XKR9: variants seen among roughly 807,000 people sequenced by gnomAD.
XKR9 encodes the protein XK related 9.
XKR9 carries 32 observed loss-of-function variants against 32.0 expected under a neutral mutation model. The ratio of observed to expected loss-of-function variants is 1.00; its 90% confidence interval spans 0.76 to 1.34. The LOEUF is 1.34. XKR9 is among the 40% of genes most tolerant of loss of function. XKR9 has a pLI of 0.00. For synonymous variants in XKR9, 168 were observed against 143.4 expected (o/e 1.17, Z -1.22); for missense variants, 546 against 429.7 (o/e 1.27, Z -2.39).
chr8:70,774,995 C>T (rs1196686842), intron 2 of XKR9, among the ~76,000 whole-genome samples: 1 of 152,066 alleles, frequency 6.6e-6, no homozygotes, highest in Non-Finnish European at 1.5e-5. Context: ...CTTTCATCTA[C>T]ACAGGTCTTT....
Position 70,753,247 on chromosome 8 carries a change from A to G in XKR9, n.353-36092A>G, listed in dbSNP as rs1026021644. Among the ~76,000 whole-genome samples, 12 of 152,286 alleles carry G rather than the reference A, an allele frequency of 7.9e-5. No individual in the cohort carries two copies. In the East Asian group the frequency reaches 2.1e-3, roughly 27 times the overall value. The stretch of plus-strand genomic sequence containing the variant: ...TTGAATCTCTGAATAGACCAATAAC[A>G]GGATCTGAAATTGTGGCAATAATCA... On this transcript the variant is annotated intron_variant and non_coding_transcript_variant, in intron 2 of 3. Transcript: ENST00000520273.
At chr8:70,876,887 TAC>T in the XKR9 span, among the ~76,000 whole-genome samples, 10 of 152,168 alleles carry the variant, frequency 6.6e-5, no homozygotes, top group African/African-American at 2.2e-4. Flanking sequence ...AATAATGTAG[TAC>T]TGTTGTGTAA....
chr8:70,965,773 G>T, the XKR9 span, among the ~76,000 whole-genome samples: 1 of 152,136 alleles, frequency 6.6e-6, no homozygotes, highest in Non-Finnish European at 1.5e-5. Context: ...GTAGTTGGTT[G>T]TATTTCTGTG....
the XKR9 span, among the ~76,000 whole-genome samples, chr8:70,954,717 C>T: frequency 2.6e-4 from 39 of 152,182 alleles, no homozygotes; most frequent in Non-Finnish European, 7.3e-5. Context: ...AGGCATTGGT[C>T]ATTTATATTC....
At chr8:70,702,373 G>A (rs759909202) in intron 3 of XKR9, among the ~76,000 whole-genome samples, 10 of 152,024 alleles carry the variant, frequency 6.6e-5, no homozygotes, top group Non-Finnish European at 1.3e-4. Context: ...AATATTCCAT[G>A]TGCATTTGAA....
At chr8:70,710,836 TAAAC>T (rs1175465114) in intron 4 of XKR9, among the ~76,000 whole-genome samples, 2 of 151,388 alleles carry the variant, frequency 1.3e-5, no homozygotes, top group African/African-American at 2.4e-5. Flanking sequence ...ATCAGCAGAG[TAAAC>T]AAACAACCTA....
At chr8:70,981,708 A>C in the XKR9 span, among the ~76,000 whole-genome samples, 1 of 152,064 alleles carries the variant, frequency 6.6e-6, no homozygotes. Flanking sequence ...TTTGGGTGTT[A>C]AAAATTTTGT....
the XKR9 span, among the ~76,000 whole-genome samples, chr8:70,876,658 T>C: frequency 6.6e-6 from 1 of 152,114 alleles, no homozygotes; most frequent in Non-Finnish European, 1.5e-5. Context: ...GAATGACAAT[T>C]CTGATTTAGT....
At chr8:70,933,361 G>A in the XKR9 span, among the ~76,000 whole-genome samples, 12 of 152,170 alleles carry the variant, frequency 7.9e-5, no homozygotes, top group Middle Eastern at 3.5e-3. Flanking sequence ...CGCTTAGGGC[G>A]TTTAGGGCAT....
At chr8:70,999,144 A>G in the XKR9 span, among the ~76,000 whole-genome samples, 5 of 152,308 alleles carry the variant, frequency 3.3e-5, no homozygotes, top group South Asian at 8.3e-4. Context: ...AAGAATATTA[A>G]TATATTAGTA....
intron 2 of XKR9, among the ~76,000 whole-genome samples, chr8:70,675,501 G>A (rs973112647): frequency 2.0e-5 from 3 of 152,076 alleles, no homozygotes; most frequent in African/African-American, 4.8e-5. Flanking sequence ...AAACTTTTAT[G>A]CTCTGCTTCC....
the XKR9 span, among the ~76,000 whole-genome samples, chr8:70,918,356 T>G: frequency 8.5e-5 from 13 of 152,270 alleles, no homozygotes; most frequent in East Asian, 2.5e-3. Context: ...AGACTTTACT[T>G]CAGAAGGAGA....
chr8:70,825,307 C>CT, the XKR9 span, among the ~76,000 whole-genome samples: 3 of 152,024 alleles, frequency 2.0e-5, no homozygotes, highest in Non-Finnish European at 4.4e-5. Flanking sequence ...CATTGAGTGA[C>CT]CTGCTCAGGT....
intron 2 of XKR9, among the ~76,000 whole-genome samples, chr8:70,750,185 G>A (rs947532982): frequency 6.6e-6 from 1 of 152,108 alleles, no homozygotes; most frequent in Admixed American, 6.6e-5. Context: ...TTTGTGTCTG[G>A]CAGTGTGTCT....
At chr8:70,695,249 C>T (rs1288854524) in intron 3 of XKR9, among the ~76,000 whole-genome samples, 2 of 149,148 alleles carry the variant, frequency 1.3e-5, no homozygotes, top group Non-Finnish European at 1.5e-5. Context: ...CATATGTATA[C>T]ATGTGCCACA....
At chr8:70,919,628 T>C in the XKR9 span, among the ~76,000 whole-genome samples, 1 of 152,266 alleles carries the variant, frequency 6.6e-6, no homozygotes, top group Admixed American at 6.5e-5. Flanking sequence ...TCTCTAGAAG[T>C]CTTTTCTTTC....
intron 2 of XKR9, among the ~76,000 whole-genome samples, chr8:70,784,475 C>T (rs1185957292): frequency 1.3e-5 from 2 of 151,614 alleles, no homozygotes; most frequent in Non-Finnish European, 2.9e-5. Flanking sequence ...GGATTGTTCT[C>T]TTTAATTCTT....
At chr8:70,915,169 AG>A in the XKR9 span, among the ~76,000 whole-genome samples, 1 of 152,064 alleles carries the variant, frequency 6.6e-6, no homozygotes, top group African/African-American at 2.4e-5. Context: ...ATTAGAATAC[AG>A]GGTCTGAAAA....
chr8:70,707,219 C>T, intron 4 of XKR9, 66 bp downstream of exon 4: 1 of 1,256,746 alleles, frequency 8.0e-7, no homozygotes, highest in African/African-American at 1.5e-5. Context: ...CTATATAAAT[C>T]TTTGGCTGAC....
Sources: gnomAD v4.1 joint callset for allele counts (sites outside exome capture counted in the v4.1 genomes callset) on GRCh38, gnomAD v4.1.1 for gene constraint, MANE v1.5 for transcripts, NCBI Gene and HGNC (gene_info 2026-07-23, HGNC 2026-07-21) for gene names.